Variants in JDP2 observed in about 807,000 individuals in gnomAD.
The protein encoded by JDP2 is progesterone receptor co-activator.
In JDP2, 9 loss-of-function variants were observed where a neutral mutation model predicts 17.1. That is an observed-to-expected ratio of 0.53 (90% CI 0.32 to 0.92). The LOEUF (loss-of-function observed/expected upper bound fraction) is 0.92, where lower values mean the gene tolerates loss of function less well. JDP2 is among the 40% of genes least tolerant of loss of function. The pLI is 0.04. For missense variants in JDP2, 179 were observed against 220.0 expected (o/e 0.81, Z 1.18); for synonymous variants, 107 against 95.6 (o/e 1.12, Z -0.69).
At position 75,472,435 on chromosome 14, in the gene JDP2, A is replaced by T. The variant is rs866266527; in HGVS notation, c.*2960A>T. 1 of 152,220 alleles carries T rather than the reference A, an allele frequency of 6.6e-6. No homozygotes were observed. The highest frequency in any genetic ancestry group is 1.5e-5 in the Non-Finnish European group (1 of 68,042). 9.4% of individuals were successfully genotyped at this position (152,220 alleles called of 1,614,324 possible). A position where few individuals can be genotyped will look rare whatever the true frequency, so the allele number is the denominator to read the frequency against. The stretch of plus-strand genomic sequence containing the variant: ...GGGAACTTGTGCAGGAAGCCGGGAG[A>T]GATGGCACAGACCCACCTGTGCTCA... On this transcript the variant is annotated 3_prime_UTR_variant, in exon 4 of 4. Transcript: ENST00000651602.
chr14:75,432,994 G>A (rs1884880175), intron 1 of JDP2, among the ~76,000 whole-genome samples: 1 of 151,754 alleles, frequency 6.6e-6, no homozygotes. Flanking sequence ...CTGAGGTTGG[G>A]AGTTCGAGAC....
intron 2 of JDP2, among the ~76,000 whole-genome samples, chr14:75,457,164 C>T (rs944633569): frequency 6.6e-6 from 1 of 152,236 alleles, no homozygotes; most frequent in Non-Finnish European, 1.5e-5. Context: ...GCTGTATCTG[C>T]GGAAACAAAT....
In JDP2 at chr14:75,469,650, G is replaced by T. The variant is rs192231453; in HGVS notation, c.*175G>T. 166 of 614,588 alleles carry T rather than the reference G, an allele frequency of 2.7e-4. No individual in the cohort carries two copies. In the African/African-American group the frequency reaches 2.9e-3, roughly 11 times the overall value. The allele number at this position is 614,588 out of a possible 1,614,324, so 38.1% of individuals were successfully genotyped here. A position where few individuals can be genotyped will look rare whatever the true frequency, so the allele number is the denominator to read the frequency against. On this transcript the variant is annotated 3_prime_UTR_variant, in exon 4 of 4. Coordinates refer to ENST00000651602, the MANE Select transcript of JDP2 (RefSeq NM_001135048.2). The stretch of plus-strand genomic sequence containing the variant: ...TGTGAAACTCAGATCAGCCACCCAG[G>T]AGGAAGAGCGGGCTGAGGAAACCCA...
intron 2 of JDP2, among the ~76,000 whole-genome samples, chr14:75,446,361 A>G (rs1306801039): frequency 6.6e-6 from 1 of 152,240 alleles, no homozygotes; most frequent in Non-Finnish European, 1.5e-5. Flanking sequence ...ATGAGAGTTT[A>G]CAGTGGCATT....
intron 1 of JDP2, among the ~76,000 whole-genome samples, chr14:75,433,092 A>G (rs1884884323): frequency 6.8e-6 from 1 of 146,682 alleles, no homozygotes; most frequent in Non-Finnish European, 1.5e-5. Context: ...CTACTCAAGA[A>G]GCTGAGGCAG....
chr14:75,451,656 G>A (rs371880554), intron 2 of JDP2, among the ~76,000 whole-genome samples: 4 of 152,200 alleles, frequency 2.6e-5, no homozygotes, highest in African/African-American at 9.7e-5. Context: ...GACTGGAAAG[G>A]CAAGGTCAGA....
At chr14:75,462,766 C>T (rs1886396907) in intron 3 of JDP2, among the ~76,000 whole-genome samples, 1 of 152,128 alleles carries the variant, frequency 6.6e-6, no homozygotes, top group Admixed American at 6.5e-5. Flanking sequence ...GGCATCTTCT[C>T]ACACTTGCAA....
chr14:75,466,034 G>C (rs1460402561), intron 3 of JDP2, among the ~76,000 whole-genome samples: 1 of 150,616 alleles, frequency 6.6e-6, no homozygotes, highest in Non-Finnish European at 1.5e-5. Context: ...CTACAATCAT[G>C]GTTTAAAAAA....
At chr14:75,467,427 C>G (rs1217270299) in intron 3 of JDP2, among the ~76,000 whole-genome samples, 3 of 152,202 alleles carry the variant, frequency 2.0e-5, no homozygotes, top group Non-Finnish European at 2.9e-5. Flanking sequence ...CTTCCCCTTA[C>G]AGTGGAAAGG....
At position 75,470,173 on chromosome 14, in the gene JDP2, T is replaced by A. The variant is rs1886760275; in HGVS notation, c.*698T>A. On this transcript the variant is annotated 3_prime_UTR_variant, in exon 4 of 4. Coordinates refer to ENST00000651602, the MANE Select transcript of JDP2 (RefSeq NM_001135048.2). ...ACTGCACATGTTTTTTATACTTTCC[T>A]TTTTTTTTTTTTTTTTAATATTTTT... is the stretch of plus-strand genomic sequence containing the variant. The A allele has an allele frequency of 8.8e-6, 1 of 114,022 alleles. No homozygotes were observed. The highest frequency in any genetic ancestry group is 3.4e-5 in the African/African-American group (1 of 29,026). 7.1% of individuals were successfully genotyped at this position (114,022 alleles called of 1,614,324 possible).
intron 2 of JDP2, among the ~76,000 whole-genome samples, chr14:75,444,835 G>A (rs1443004982): frequency 6.6e-6 from 1 of 152,202 alleles, no homozygotes; most frequent in African/African-American, 2.4e-5. Flanking sequence ...TTTCAGGGAA[G>A]CAAGCAGACT....
chr14:75,431,389 A>T (rs1276017397), intron 1 of JDP2, among the ~76,000 whole-genome samples: 3 of 152,208 alleles, frequency 2.0e-5, no homozygotes, highest in Non-Finnish European at 4.4e-5. Flanking sequence ...TGCAGGGATC[A>T]CGGCTGCCAG....
intron 1 of JDP2, among the ~76,000 whole-genome samples, chr14:75,434,585 G>C (rs773156801): frequency 2.0e-4 from 30 of 152,112 alleles, no homozygotes; most frequent in Non-Finnish European, 2.9e-4. Flanking sequence ...CCTTCAGGGG[G>C]TTCCACAGTA....
chr14:75,461,631 A>T, intron 3 of JDP2, 101 bp downstream of exon 3: 1 of 894,182 alleles, frequency 1.1e-6, no homozygotes, highest in Non-Finnish European at 1.8e-6. Context: ...GTCAATGAGC[A>T]TCTGCTGGCA....
intron 3 of JDP2, 131 bp from the exon 4 acceptor site, chr14:75,469,159 G>T: frequency 1.3e-6 from 1 of 764,032 alleles, no homozygotes; most frequent in African/African-American, 1.8e-5. Flanking sequence ...CTCAGTAGCA[G>T]GGTCTGTGCT....
chr14:75,469,582 T>C lies in JDP2; in HGVS notation c.*107T>C. On this transcript the variant is annotated 3_prime_UTR_variant, in exon 4 of 4. Transcript: ENST00000651602. Reference sequence around the variant, plus strand: ...GCCCTTCCTTTGGTGCATGAAAAACTGTACAATGAGGTTCAGCACAGCCAG... The same window carrying C: ...GCCCTTCCTTTGGTGCATGAAAAACCGTACAATGAGGTTCAGCACAGCCAG... 1 of 964,246 alleles carries C rather than the reference T, an allele frequency of 1.0e-6. No homozygotes were observed. Among genetic ancestry groups the C allele is most frequent in the Non-Finnish European group, 1.5e-6 (1 of 653,334 alleles). The allele number at this position is 964,246 out of a possible 1,614,324, so 59.7% of individuals were successfully genotyped here.
At chr14:75,427,698 CAT>C (rs1884585467), upstream of JDP2, 1 of 152,858 alleles carries the variant, frequency 6.5e-6, no homozygotes, top group Non-Finnish European at 1.5e-5. The surrounding 1 kb of genome is among the most constrained non-coding windows in gnomAD (Gnocchi z 4.4). Flanking sequence ...GGTGCGCTTA[CAT>C]AACCGCTCGC....
At chr14:75,451,160 C>T (rs973022784) in intron 2 of JDP2, among the ~76,000 whole-genome samples, 3 of 152,132 alleles carry the variant, frequency 2.0e-5, no homozygotes, top group Non-Finnish European at 2.9e-5. Flanking sequence ...GGGCCTCATC[C>T]GGAGGGTAAG....
At chr14:75,468,758 T>A (rs1458287638) in intron 3 of JDP2, among the ~76,000 whole-genome samples, 1 of 152,240 alleles carries the variant, frequency 6.6e-6, no homozygotes, top group Non-Finnish European at 1.5e-5. Context: ...GCACATGTTT[T>A]AGGAGGAATG....
Sources: gnomAD v4.1 joint callset for allele counts (sites outside exome capture counted in the v4.1 genomes callset) on GRCh38, gnomAD v4.1.1 for gene constraint, Gnocchi (gnomAD v3.1) non-coding constraint, MANE v1.5 for transcripts, NCBI Gene and HGNC (gene_info 2026-07-23, HGNC 2026-07-21) for gene names.